The following FBXL17 variants were observed in gnomAD, a reference collection of about 807,000 sequenced individuals.
The protein encoded by FBXL17 is F-box/LRR-repeat protein 17.
FBXL17 carries 22 observed loss-of-function variants against 66.2 expected under a neutral mutation model. The observed-to-expected ratio is 0.33, with a 90% confidence interval of 0.24 to 0.47. The LOEUF is 0.47. FBXL17 is among the 20% of genes least tolerant of loss of function. The pLI is 1.00. For missense variants in FBXL17, 878 were observed against 948.2 expected, an observed-to-expected ratio of 0.93 and a Z score of 0.97; for synonymous variants, 474 against 400.5, an observed-to-expected ratio of 1.18 and a Z score of -2.19.
chr5:108,144,651 T>C (rs968561859), intron 6 of FBXL17, among the ~76,000 whole-genome samples: 1 of 152,178 alleles, frequency 6.6e-6, no homozygotes, highest in African/African-American at 2.4e-5. Flanking sequence ...GTCGATATTT[T>C]AAACTATTTC....
At chr5:108,267,615 C>T (rs1336448292) in intron 4 of FBXL17, among the ~76,000 whole-genome samples, 1 of 151,964 alleles carries the variant, frequency 6.6e-6, no homozygotes, top group South Asian at 2.1e-4. Context: ...ATATTTTGTG[C>T]CTATTCTGGG....
intron 6 of FBXL17, among the ~76,000 whole-genome samples, chr5:108,102,810 GA>G (rs1479170964): frequency 1.3e-5 from 2 of 152,106 alleles, no homozygotes; most frequent in African/African-American, 4.8e-5. Flanking sequence ...ACCATCTAAA[GA>G]ATTCCTGGCA....
In FBXL17 at chr5:108,270,578, C is replaced by T. The variant is rs529056217; in HGVS notation, c.1507-46350G>A. 1.1e-4 allele frequency among the ~76,000 whole-genome samples: 16 copies of T among 149,178 alleles called. No individual in the cohort carries two copies. The South Asian group carries it at 3.2e-3, about 30-fold the overall frequency. The stretch of plus-strand genomic sequence containing the variant: ...TCTCAAGGAAATTTGTCTAGTAAAA[C>T]CAAAGAAACAGAGCATCCATTAGCC... On this transcript the variant is annotated intron_variant, in intron 4 of 8. Transcript: ENST00000542267.
chr5:108,232,005 G>A (rs1430258419), intron 4 of FBXL17, among the ~76,000 whole-genome samples: 1 of 148,334 alleles, frequency 6.7e-6, no homozygotes, highest in African/African-American at 2.5e-5. Flanking sequence ...GGTGCTTGCT[G>A]AAGGCAAAGG....
chr5:108,177,911 G>GTATATATATATA (rs70996985), intron 6 of FBXL17, among the ~76,000 whole-genome samples: 4,361 of 114,954 alleles, frequency 0.038, 339 homozygotes, highest in East Asian at 0.27. Context: ...AAAAAAAAAT[G>GTATATATATATA]TATATATATA....
intron 6 of FBXL17, among the ~76,000 whole-genome samples, chr5:108,109,138 A>C (rs978316001): frequency 1.3e-5 from 2 of 152,196 alleles, no homozygotes; most frequent in Admixed American, 1.3e-4. Context: ...CAGTAAGGGA[A>C]ATACCTGAGA....
At chr5:107,887,056 T>G (rs576086107) in intron 7 of FBXL17, among the ~76,000 whole-genome samples, 2 of 152,320 alleles carry the variant, frequency 1.3e-5, no homozygotes, top group South Asian at 2.1e-4. Context: ...ATAAGACCTG[T>G]AGTTCACTTA....
intron 6 of FBXL17, among the ~76,000 whole-genome samples, chr5:108,121,706 G>A (rs894925669): frequency 1.3e-5 from 2 of 152,000 alleles, no homozygotes; most frequent in East Asian, 1.9e-4. Context: ...ACAGGCACCC[G>A]CCACCACGCC....
intron 7 of FBXL17, among the ~76,000 whole-genome samples, chr5:107,947,055 A>T (rs894064294): frequency 6.6e-6 from 1 of 152,176 alleles, no homozygotes; most frequent in Admixed American, 6.5e-5. Flanking sequence ...ATTGTGAAAG[A>T]TGTATTATTT....
chr5:108,239,963 A>T (rs1033146869), intron 4 of FBXL17, among the ~76,000 whole-genome samples: 2 of 151,982 alleles, frequency 1.3e-5, no homozygotes, highest in African/African-American at 4.8e-5. Context: ...TCAGCGAGAA[A>T]AGAACCTGCC....
In FBXL17 at chr5:108,381,296, G is replaced by GGCGGCA. The variant is rs973311952; in HGVS notation, c.390_395dup (p.Ala131_Ala132dup). 138 of 1,404,530 alleles carry GGCGGCA rather than the reference G, an allele frequency of 9.8e-5. No individual in the cohort carries two copies. The highest frequency in any genetic ancestry group is 1.2e-4 in the African/African-American group (8 of 66,332). 87.0% of individuals were successfully genotyped at this position (1,404,530 alleles called of 1,614,324 possible). On this transcript the variant is annotated inframe_insertion, in exon 1 of 9. Coordinates refer to ENST00000542267, the MANE Select transcript of FBXL17 (RefSeq NM_001163315.3). ...AGCAGGAGGCGGGCGACGAAGCCGA[G>GGCGGCA]GCGGCAGCGGCGGCGGCGGCGGCGG... is the stretch of plus-strand genomic sequence containing the variant.
intron 7 of FBXL17, among the ~76,000 whole-genome samples, chr5:108,007,525 T>C (rs2112729161): frequency 6.6e-6 from 1 of 152,096 alleles, no homozygotes; most frequent in African/African-American, 2.4e-5. Flanking sequence ...AACCAGTTTC[T>C]TAAAGGTGAA....
intron 4 of FBXL17, among the ~76,000 whole-genome samples, chr5:108,310,550 C>A (rs930515300): frequency 3.9e-5 from 6 of 152,052 alleles, no homozygotes; most frequent in East Asian, 1.9e-4. Context: ...GCTGTGGATA[C>A]AACATATATA....
intron 7 of FBXL17, among the ~76,000 whole-genome samples, chr5:107,931,969 T>C (rs1337203442): frequency 6.6e-6 from 1 of 152,202 alleles, no homozygotes; most frequent in South Asian, 2.1e-4. Context: ...AGATGGCTTA[T>C]TAAAAGTACA....
intron 4 of FBXL17, among the ~76,000 whole-genome samples, chr5:108,330,160 G>T (rs973459188): frequency 6.6e-6 from 1 of 152,086 alleles, no homozygotes; most frequent in African/African-American, 2.4e-5. Flanking sequence ...TGTAACAACA[G>T]AATCATGTAT....
chr5:108,317,450 T>C (rs147350988), intron 4 of FBXL17, among the ~76,000 whole-genome samples: 1,694 of 150,954 alleles, frequency 0.011, 46 homozygotes, highest in African/African-American at 0.039. Flanking sequence ...TGCATGCAGG[T>C]ATCAAAAAAA....
At position 107,940,731 on chromosome 5, in the gene FBXL17, T is replaced by A. The variant is rs530103921; in HGVS notation, c.1823-59552A>T. Among the ~76,000 whole-genome samples the A allele has an allele frequency of 2.6e-5, 4 of 152,258 alleles. No individual in the cohort carries two copies. The South Asian group carries it at 8.3e-4, about 32-fold the overall frequency. Reference sequence around the variant, plus strand: ...TTAGTAAGGAGGCTAAGGCTTAGGCTGTTGAGGAAAGGTTTTAAACTAATA... The same window carrying A: ...TTAGTAAGGAGGCTAAGGCTTAGGCAGTTGAGGAAAGGTTTTAAACTAATA... On this transcript the variant is annotated intron_variant, in intron 7 of 8. Coordinates refer to ENST00000542267, the MANE Select transcript of FBXL17 (RefSeq NM_001163315.3).
Position 108,214,406 on chromosome 5 carries a change from C to T in FBXL17, c.1614+9715G>A, listed in dbSNP as rs368663363. Among the ~76,000 whole-genome samples, 759 of 145,480 alleles carry T rather than the reference C, an allele frequency of 5.2e-3. 6 individuals carry two copies. Among genetic ancestry groups the T allele is most frequent in the Middle Eastern group, 0.03 (8 of 270 alleles). ...TTTTTGAGACAGAGTCTCACTCTGT[C>T]GCCCAGGCCAGAATGCAGTGGCTCA... On this transcript the variant is annotated intron_variant, in intron 5 of 8. Coordinates refer to ENST00000542267, the MANE Select transcript of FBXL17 (RefSeq NM_001163315.3).
intron 4 of FBXL17, among the ~76,000 whole-genome samples, chr5:108,255,608 G>A (rs1037095523): frequency 6.6e-5 from 10 of 152,032 alleles, no homozygotes; most frequent in Admixed American, 2.0e-4. Context: ...CTGGGCTTGC[G>A]TCCAAGGAAA....
Sources: allele counts gnomAD v4.1 joint callset (sites outside exome capture counted in the v4.1 genomes callset), GRCh38; gene constraint gnomAD v4.1.1; transcripts MANE v1.5; gene names NCBI Gene and HGNC (gene_info 2026-07-23, HGNC 2026-07-21).